The following MYH14 variants were observed in gnomAD, a reference collection of about 807,000 sequenced individuals.
MYH14 encodes the protein myosin heavy chain 14.
MYH14 carries 123 observed loss-of-function variants against 255.5 expected under a neutral mutation model. The ratio of observed to expected loss-of-function variants is 0.48; its 90% CI spans 0.42 to 0.56. The LOEUF is 0.56. Ranked by LOEUF, MYH14 falls within the 20% of genes least tolerant of loss-of-function variation. MYH14 has a pLI of 0.00. For missense variants in MYH14, 2,423 were observed against 2,802.3 expected, an observed-to-expected ratio of 0.86 and a Z score of 3.06; for synonymous variants, 1,095 against 1,161.2, an observed-to-expected ratio of 0.94 and a Z score of 1.16.
intron 2 of MYH14, among the ~76,000 whole-genome samples, chr19:50,216,801 C>CT (rs200626930): frequency 0.017 from 1,860 of 112,550 alleles, 84 homozygotes; most frequent in East Asian, 0.078. Flanking sequence ...TCCATCCTTT[C>CT]TTTTTTTTTT....
intron 10 of MYH14, among the ~76,000 whole-genome samples, chr19:50,240,268 A>G (rs1024899103): frequency 1.3e-5 from 2 of 152,188 alleles, no homozygotes; most frequent in Admixed American, 1.3e-4. Context: ...TGTGCTGCGC[A>G]TATGTATTTA....
chr19:50,215,884 A>G (rs1306441783), intron 2 of MYH14, among the ~76,000 whole-genome samples: 1 of 152,218 alleles, frequency 6.6e-6, no homozygotes, highest in East Asian at 1.9e-4. Flanking sequence ...CTGGGTGACT[A>G]GCAGAGTAGG....
rs1214664538 is a variant in MYH14, at chr19:50,281,633, G to T, written c.4330G>T (p.Ala1444Ser). ...GCGGCGCCAGGAGGAGGAGGCAGGG[G>T]CACTGGAGGCAGGGGAGGAGGCACG... ...WRRRQEEEAG[A>S]LEAGEEARRR... is the part of the protein sequence containing the mutation. Residue 1444 changes from alanine to serine, a missense_variant, in exon 33 of 43, where the codon GCA becomes TCA. Coordinates refer to ENST00000642316, the MANE Select transcript of MYH14 (RefSeq NM_001145809.2). 3.1e-6 allele frequency: 5 copies of T among 1,604,530 alleles called. No homozygotes were observed. The highest frequency in any genetic ancestry group is 4.3e-6 in the Non-Finnish European group (5 of 1,175,308).
At chr19:50,244,616 T>C in intron 11 of MYH14, among the ~76,000 whole-genome samples, 3 of 151,658 alleles carry the variant, frequency 2.0e-5, no homozygotes, top group Admixed American at 6.6e-5. Context: ...CCTGAGTAGC[T>C]GGGACTACAG....
rs2036750264 is a variant in MYH14, at chr19:50,309,032, C to G, written c.5815C>G (p.Gln1939Glu). ...QLEKGNLRVK[Q>E]LKRQLEEAEE... The stretch of plus-strand genomic sequence containing the variant: ...GGAGAAGGGAAACCTTCGAGTCAAG[C>G]AGCTGAAGCGGCAGCTGGAGGAGGC... The change falls in exon 42 of 43, where the codon CAG becomes GAG. Residue 1939 changes from glutamine (Q) to glutamate (E), a missense_variant. Gln to Glu is a conservative substitution (Grantham distance 29). Coordinates refer to ENST00000642316, the MANE Select transcript of MYH14 (RefSeq NM_001145809.2). 6.2e-7 allele frequency: 1 copy of G among 1,613,042 alleles called. No individual in the cohort carries two copies. Among genetic ancestry groups the G allele is most frequent in the African/African-American group, 1.3e-5 (1 of 74,910 alleles).
chr19:50,301,848 A>G lies in MYH14; in HGVS notation c.5657A>G (p.Glu1886Gly). 1 of 1,612,696 alleles carries G rather than the reference A, an allele frequency of 6.2e-7. No homozygotes were observed. The highest frequency in any genetic ancestry group is 8.5e-7 in the Non-Finnish European group (1 of 1,179,366). Residue 1886 changes from glutamate (E) to glycine (G), a missense_variant, in exon 40 of 43, where the codon GAG becomes GGG. By Grantham distance (98) the Glu-to-Gly change is moderately conservative. Around this residue, in one of 3 missense-constraint regions of MYH14, gnomAD observed 1,513 missense variants for 1,674.8 expected, o/e 0.90. Coordinates refer to ENST00000642316, the MANE Select transcript of MYH14 (RefSeq NM_001145809.2). ...ALESKLAQAE[E>G]QLEQETRERI... is the part of the protein sequence containing the mutation. ...GAGTCTAAGTTGGCCCAGGCTGAGG[A>G]GCAGCTAGAGCAAGAGACCAGGTAG...
At chr19:50,217,812 T>A in intron 3 of MYH14, 41 bp downstream of exon 3, 1 of 1,601,864 alleles carries the variant, frequency 6.2e-7, no homozygotes, top group Non-Finnish European at 8.5e-7. Flanking sequence ...AGGCGGCTCT[T>A]CAACGGGGGC....
intron 2 of MYH14, among the ~76,000 whole-genome samples, chr19:50,211,769 C>T (rs2032206009): frequency 6.6e-6 from 1 of 151,670 alleles, no homozygotes; most frequent in Admixed American, 6.6e-5. Flanking sequence ...ATTGCTTGAG[C>T]CCAGGAGTTC....
intron 20 of MYH14, 49 bp downstream of exon 20, chr19:50,260,764 T>C (rs1555768410): frequency 7.7e-5 from 91 of 1,178,082 alleles, no homozygotes; most frequent in Non-Finnish European, 1.0e-4. Flanking sequence ...TGTGTGTGCG[T>C]GCATGAGTGT....
Position 50,250,210 on chromosome 19 carries a change from C to T in MYH14, c.1657-305C>T, listed in dbSNP as rs1480895360. Among the ~76,000 whole-genome samples the T allele has an allele frequency of 2.0e-5, 3 of 152,190 alleles. No individual in the cohort carries two copies. The highest frequency in any genetic ancestry group is 4.4e-5 in the Non-Finnish European group (3 of 68,040). ...TCGCCCCCTGGGTTCACGCCATTCT[C>T]CTGCCTCAGCCTCCCGAGTAGCTGG... is the stretch of plus-strand genomic sequence containing the variant. On this transcript the variant is annotated intron_variant, in intron 14 of 42. Transcript: ENST00000642316. The surrounding 1 kb of genome is among the most constrained non-coding windows in gnomAD (Gnocchi z 5.4).
At chr19:50,219,911 A>G (rs2032723240) in intron 3 of MYH14, among the ~76,000 whole-genome samples, 1 of 152,088 alleles carries the variant, frequency 6.6e-6, no homozygotes, top group Non-Finnish European at 1.5e-5. Flanking sequence ...ATCATATAAC[A>G]TATAATAGGC....
In MYH14 at chr19:50,270,447, G is replaced by A. The variant is rs557235819; in HGVS notation, c.3034-962G>A. ...AGGCAGGAAAGTCACTTGAACCCCG[G>A]GAGGTGGAGATTGCAGTGAGCCAAG... On this transcript the variant is annotated intron_variant, in intron 24 of 42. Coordinates refer to ENST00000642316, the MANE Select transcript of MYH14 (RefSeq NM_001145809.2). Among the ~76,000 whole-genome samples the A allele has an allele frequency of 7.3e-5, 11 of 150,722 alleles. No individual in the cohort carries two copies. In the South Asian group the frequency reaches 2.3e-3, roughly 32 times the overall value.
intron 10 of MYH14, among the ~76,000 whole-genome samples, chr19:50,236,633 G>T (rs928486289): frequency 6.6e-6 from 1 of 151,886 alleles, no homozygotes; most frequent in Non-Finnish European, 1.5e-5. Flanking sequence ...GCTTGAACCC[G>T]GGAGGCGGAG....
intron 3 of MYH14, among the ~76,000 whole-genome samples, chr19:50,218,514 C>T (rs1428283563): frequency 6.6e-6 from 1 of 151,848 alleles, no homozygotes; most frequent in African/African-American, 2.4e-5. Context: ...AGGAGAATGG[C>T]GTGAACCCGG....
chr19:50,214,909 C>T (rs568230163), intron 2 of MYH14, among the ~76,000 whole-genome samples: 1 of 152,316 alleles, frequency 6.6e-6, no homozygotes, highest in South Asian at 2.1e-4. Flanking sequence ...GGTTTTTATC[C>T]ATGATCTCCC....
At position 50,307,154 on chromosome 19, in the gene MYH14, C is replaced by G; in HGVS notation, c.5784C>G (p.Asp1928Glu). 6.5e-7 allele frequency: 1 copy of G among 1,541,076 alleles called. No homozygotes were observed. Among genetic ancestry groups the G allele is most frequent in the Non-Finnish European group, 8.8e-7 (1 of 1,139,378 alleles). ...GGAGGGTGGCTGACCAGCTCCGGGA[C>G]CAGGTAAGCAGCTGGCATCATTAGG... is the stretch of plus-strand genomic sequence containing the variant. ...EERRVADQLRDQLEKGNLRVK... is the reference protein window; with the variant it reads ...EERRVADQLREQLEKGNLRVK... Residue 1928 changes from aspartate (D) to glutamate (E), a missense_variant, in exon 41 of 43, where the codon GAC becomes GAG. By Grantham distance (45) the Asp-to-Glu change is conservative. Coordinates refer to ENST00000642316, the MANE Select transcript of MYH14 (RefSeq NM_001145809.2).
Position 50,252,703 on chromosome 19 carries a change from C to T in MYH14, c.1895C>T (p.Ala632Val), listed in dbSNP as rs1461824527. The T allele has an allele frequency of 2.5e-6, 4 of 1,601,272 alleles. No homozygotes were observed. Among genetic ancestry groups the T allele is most frequent in the Non-Finnish European group, 3.4e-6 (4 of 1,174,256 alleles). ...NMDPLNDNVA[A>V]LLHQSTDRLT... ...GACCCTCTGAATGACAACGTCGCAG[C>T]CTTGCTCCACCAGAGCACAGACCGG... is the stretch of plus-strand genomic sequence containing the variant. The change falls in exon 16 of 43, where the codon GCC becomes GTC. Residue 632 changes from alanine (A) to valine (V), a missense_variant. Coordinates refer to ENST00000642316, the MANE Select transcript of MYH14 (RefSeq NM_001145809.2). The surrounding 1 kb of genome is among the most constrained non-coding windows in gnomAD (Gnocchi z 4.2).
intron 8 of MYH14, among the ~76,000 whole-genome samples, chr19:50,228,011 C>G (rs933679843): frequency 2.0e-5 from 3 of 152,178 alleles, no homozygotes; most frequent in Non-Finnish European, 4.4e-5. Context: ...TGGCCAGGCA[C>G]GGTGGCTCAT....
At chr19:50,239,582 C>G (rs192353328) in intron 10 of MYH14, among the ~76,000 whole-genome samples, 182 of 152,232 alleles carry the variant, frequency 1.2e-3, no homozygotes, top group Non-Finnish European at 2.0e-3. Context: ...CAGTGTCTCA[C>G]TCTGTCACCC....
Sources: gnomAD v4.1 joint callset for allele counts (sites outside exome capture counted in the v4.1 genomes callset) on GRCh38, gnomAD v4.1.1 for gene constraint, gnomAD v4.1.1 regional missense constraint, Gnocchi (gnomAD v3.1) non-coding constraint, MANE v1.5 for transcripts, NCBI Gene and HGNC (gene_info 2026-07-23, HGNC 2026-07-21) for gene names.